AGBL1: variants seen among roughly 807,000 people sequenced by gnomAD.
AGBL1 encodes AGBL carboxypeptidase 1, also known as cytosolic carboxypeptidase 4.
AGBL1 carries 130 observed loss-of-function variants against 118.9 expected under a neutral mutation model. The observed-to-expected ratio is 1.09, with a 90% confidence interval of 0.95 to 1.26. The LOEUF (loss-of-function observed/expected upper bound fraction) is 1.26. Ranked by LOEUF, AGBL1 falls within the 50% of genes most tolerant of loss-of-function variation. The probability of loss-of-function intolerance (pLI) is 0.00; values close to 1 mark genes in which losing one functional copy is unlikely to be tolerated. For synonymous variants in AGBL1, 555 were observed against 478.9 expected, an observed-to-expected ratio of 1.16 and a Z score of -2.08; for missense variants, 1,584 against 1,298.1, an observed-to-expected ratio of 1.22 and a Z score of -3.38.
At chr15:86,291,673 G>A (rs946296617) in intron 16 of AGBL1, among the ~76,000 whole-genome samples, 1 of 152,218 alleles carries the variant, frequency 6.6e-6, no homozygotes, top group African/African-American at 2.4e-5. Context: ...ATTAGGTTGA[G>A]TGGGACATAT....
At chr15:86,941,185 T>G (rs1047828425) in intron 23 of AGBL1, among the ~76,000 whole-genome samples, 1 of 152,222 alleles carries the variant, frequency 6.6e-6, no homozygotes. Context: ...TGGATATATT[T>G]GAAGAGCACA....
intron 22 of AGBL1, among the ~76,000 whole-genome samples, chr15:86,783,933 C>T (rs144057731): frequency 3.9e-5 from 6 of 152,246 alleles, no homozygotes; most frequent in African/African-American, 7.2e-5. Flanking sequence ...GCCTTGCCCC[C>T]ACTTTTCTTA....
intron 21 of AGBL1, among the ~76,000 whole-genome samples, chr15:86,568,571 C>G (rs1038202134): frequency 1.3e-5 from 2 of 152,190 alleles, no homozygotes; most frequent in Admixed American, 6.5e-5. Context: ...TTGGATTAAG[C>G]AGTCTAAATC....
chr15:86,964,976 G>A (rs1339610554), intron 23 of AGBL1, among the ~76,000 whole-genome samples: 2 of 152,096 alleles, frequency 1.3e-5, no homozygotes, highest in Non-Finnish European at 2.9e-5. Context: ...CTTTTTTACA[G>A]CTGCATAGTA....
chr15:86,867,667 G>A (rs969585580), intron 22 of AGBL1, among the ~76,000 whole-genome samples: 3 of 152,138 alleles, frequency 2.0e-5, no homozygotes, highest in Admixed American at 6.5e-5. Flanking sequence ...GGGGCTTATA[G>A]TGCTAGATAT....
At chr15:86,408,233 T>C (rs2081560139) in intron 18 of AGBL1, among the ~76,000 whole-genome samples, 1 of 152,170 alleles carries the variant, frequency 6.6e-6, no homozygotes, top group Non-Finnish European at 1.5e-5. Context: ...AAATGAATAA[T>C]TCTATTGATA....
intron 17 of AGBL1, among the ~76,000 whole-genome samples, chr15:86,306,121 T>C (rs146694714): frequency 8.5e-5 from 13 of 152,278 alleles, no homozygotes; most frequent in African/African-American, 3.1e-4. Context: ...TCATGGACAA[T>C]GGGACATCCA....
intron 21 of AGBL1, among the ~76,000 whole-genome samples, chr15:86,556,455 G>GTTTCCTCCTTCTCTTTGT (rs1007335186): frequency 2.0e-5 from 3 of 152,306 alleles, no homozygotes; most frequent in African/African-American, 7.2e-5. Context: ...GAATGTATTA[G>GTTTCCTCCTTCTCTTTGT]TTTCCTCCTT....
At position 86,430,298 on chromosome 15, in the gene AGBL1, C is replaced by T. The variant is rs144350447; in HGVS notation, c.2555+32752C>T. Among the ~76,000 whole-genome samples the T allele has an allele frequency of 5.9e-5, 9 of 152,028 alleles. No homozygotes were observed. The East Asian group carries it at 1.7e-3, about 30-fold the overall frequency. The stretch of plus-strand genomic sequence containing the variant: ...GATCACGAGGTCAGGAGATCGAGAC[C>T]ATCCTGGCTAACACGGTGAAACCCC... On this transcript the variant is annotated intron_variant, in intron 18 of 22. Transcript: ENST00000614907.
intron 22 of AGBL1, 57 bp from the exon 23 acceptor site, chr15:86,907,030 C>T (rs183086824): frequency 5.3e-5 from 8 of 152,328 alleles, no homozygotes; most frequent in African/African-American, 1.9e-4. Context: ...GTACATTTTC[C>T]CTGTCTACCT....
chr15:86,256,584 A>G (rs1382928274), intron 7 of AGBL1, among the ~76,000 whole-genome samples: 1 of 152,238 alleles, frequency 6.6e-6, no homozygotes. Context: ...TTAAGTCTGT[A>G]TTCAGACTGA....
chr15:86,788,474 G>A (rs2078446014), intron 22 of AGBL1, among the ~76,000 whole-genome samples: 1 of 152,086 alleles, frequency 6.6e-6, no homozygotes, highest in South Asian at 2.1e-4. Flanking sequence ...ACTAAGTACG[G>A]GACAATATTG....
intron 5 of AGBL1, among the ~76,000 whole-genome samples, chr15:86,216,557 T>A (rs2078192453): frequency 6.6e-6 from 1 of 152,202 alleles, no homozygotes; most frequent in Non-Finnish European, 1.5e-5. Flanking sequence ...TATGGTGGGT[T>A]ACTACATTGA....
intron 21 of AGBL1, among the ~76,000 whole-genome samples, chr15:86,607,866 C>T (rs577202391): frequency 7.2e-5 from 11 of 152,168 alleles, no homozygotes; most frequent in African/African-American, 2.6e-4. Context: ...TTGTGTTTCT[C>T]AAGCTGGGGT....
chr15:86,272,114 T>C (rs1161750891), intron 15 of AGBL1, among the ~76,000 whole-genome samples: 2 of 152,176 alleles, frequency 1.3e-5, no homozygotes, highest in African/African-American at 2.4e-5. Context: ...TTTTCCAAAG[T>C]ACAGGAGGGT....
chr15:86,965,785 A>G (rs540110888), intron 23 of AGBL1, among the ~76,000 whole-genome samples: 45 of 152,074 alleles, frequency 3.0e-4, no homozygotes, highest in Non-Finnish European at 5.4e-4. Flanking sequence ...GTTGTCACTC[A>G]TAAGTGGGAG....
chr15:86,545,660 G>A (rs555852246), intron 19 of AGBL1, among the ~76,000 whole-genome samples: 1 of 152,128 alleles, frequency 6.6e-6, no homozygotes, highest in South Asian at 2.1e-4. Context: ...AAATGCCCTT[G>A]TTCCTATTTT....
chr15:86,284,713 T>G (rs1474282040), intron 16 of AGBL1, among the ~76,000 whole-genome samples: 1 of 152,142 alleles, frequency 6.6e-6, no homozygotes, highest in African/African-American at 2.4e-5. Flanking sequence ...AATGAATGGT[T>G]TTTGAGTGCA....
chr15:86,992,135 CA>C (rs1437997329), intron 24 of AGBL1, among the ~76,000 whole-genome samples: 2 of 151,938 alleles, frequency 1.3e-5, no homozygotes, highest in Admixed American at 1.3e-4. Flanking sequence ...TGGGGGAAGG[CA>C]TGTCACATGG....
Sources: gnomAD v4.1 joint callset for allele counts (sites outside exome capture counted in the v4.1 genomes callset) on GRCh38, gnomAD v4.1.1 for gene constraint, MANE v1.5 for transcripts, NCBI Gene and HGNC (gene_info 2026-07-23, HGNC 2026-07-21) for gene names.